Variants in CCSER1 observed in about 807,000 individuals in gnomAD.
CCSER1 encodes the protein coiled-coil serine rich protein 1, also known as serine-rich coiled-coil domain-containing protein 1.
CCSER1 carries 41 observed loss-of-function variants against 82.0 expected under a neutral mutation model. The observed-to-expected ratio is 0.50, with a 90% CI of 0.39 to 0.65. The LOEUF (loss-of-function observed/expected upper bound fraction) is 0.65. Ranked by LOEUF, CCSER1 falls within the 30% of genes least tolerant of loss-of-function variation. CCSER1 has a pLI of 0.00. For missense variants in CCSER1, 1,119 were observed against 1,064.2 expected (o/e 1.05, Z -0.72); for synonymous variants, 414 against 383.9 (o/e 1.08, Z -0.92).
intron 10 of CCSER1, among the ~76,000 whole-genome samples, chr4:91,327,852 C>G (rs913802012): frequency 7.2e-5 from 11 of 152,194 alleles, no homozygotes; most frequent in Admixed American, 5.9e-4. Flanking sequence ...AATCATTTCT[C>G]TCAATCTCAA....
chr4:91,137,178 C>G (rs952393259), intron 10 of CCSER1, among the ~76,000 whole-genome samples: 1 of 116,926 alleles, frequency 8.6e-6, no homozygotes, highest in Admixed American at 9.4e-5. Context: ...CACCCCACCA[C>G]AGTCCCCAGA....
Position 90,551,811 on chromosome 4 carries a change from G to A in CCSER1, c.1725-76214G>A, listed in dbSNP as rs183505726. Among the ~76,000 whole-genome samples the A allele has an allele frequency of 4.7e-4, 71 of 149,526 alleles. 1 individual carries two copies. The highest frequency in any genetic ancestry group is 1.6e-3 in the African/African-American group (65 of 40,416). ...TCTTTGTCTATCTTATTTTCCCTTT[G>A]TCTTAGTCTGTTCATGCTGCTGTGA... On this transcript the variant is annotated intron_variant, in intron 5 of 10. Coordinates refer to ENST00000509176, the MANE Select transcript of CCSER1 (RefSeq NM_001145065.2).
intron 5 of CCSER1, among the ~76,000 whole-genome samples, chr4:90,597,576 C>T (rs1342293243): frequency 1.3e-5 from 2 of 151,834 alleles, no homozygotes; most frequent in African/African-American, 4.8e-5. Flanking sequence ...AGGTTTACAA[C>T]ATGTTATGAG....
chr4:91,246,135 T>C (rs749949807), intron 10 of CCSER1, among the ~76,000 whole-genome samples: 1 of 151,874 alleles, frequency 6.6e-6, no homozygotes, highest in Non-Finnish European at 1.5e-5. Flanking sequence ...GAATAATAAA[T>C]CAAAAATAAC....
chr4:91,085,675 A>G (rs1723309394), intron 9 of CCSER1, among the ~76,000 whole-genome samples: 1 of 152,110 alleles, frequency 6.6e-6, no homozygotes, highest in Non-Finnish European at 1.5e-5. Flanking sequence ...GTTTCAACAA[A>G]GGGTAGGCAA....
At chr4:90,960,600 C>G (rs1581209132) in intron 9 of CCSER1, among the ~76,000 whole-genome samples, 1 of 152,282 alleles carries the variant, frequency 6.6e-6, no homozygotes, top group East Asian at 1.9e-4. Flanking sequence ...GTATCTTCTT[C>G]CAGTGTCACT....
At chr4:90,408,728 T>C (rs555712867) in intron 4 of CCSER1, among the ~76,000 whole-genome samples, 173 of 152,200 alleles carry the variant, frequency 1.1e-3, no homozygotes, top group African/African-American at 3.8e-3. Flanking sequence ...AGAGCACCTC[T>C]CCTCCTCCAA....
intron 10 of CCSER1, among the ~76,000 whole-genome samples, chr4:91,479,820 C>G (rs1257434816): frequency 7.0e-6 from 1 of 143,076 alleles, no homozygotes; most frequent in Admixed American, 7.1e-5. Context: ...TATACATGTG[C>G]CATGCTGGTG....
chr4:90,865,377 G>A (rs919522587), intron 8 of CCSER1, among the ~76,000 whole-genome samples: 1 of 151,896 alleles, frequency 6.6e-6, no homozygotes, highest in Non-Finnish European at 1.5e-5. Context: ...TTTAGTCAGA[G>A]GTGACCTTTT....
At chr4:90,834,890 A>C (rs184659088) in intron 8 of CCSER1, among the ~76,000 whole-genome samples, 12 of 152,372 alleles carry the variant, frequency 7.9e-5, no homozygotes, top group Non-Finnish European at 1.5e-4. Context: ...AGTTACCTGA[A>C]GCCACTCAAG....
At chr4:90,898,810 T>G (rs1200685384) in intron 8 of CCSER1, among the ~76,000 whole-genome samples, 1 of 152,116 alleles carries the variant, frequency 6.6e-6, no homozygotes, top group African/African-American at 2.4e-5. Flanking sequence ...TCTATGTGTC[T>G]GTTTATGTAT....
At chr4:90,631,611 T>C (rs1160595800) in intron 6 of CCSER1, among the ~76,000 whole-genome samples, 1 of 152,164 alleles carries the variant, frequency 6.6e-6, no homozygotes, top group Non-Finnish European at 1.5e-5. Context: ...AGAGTGTTAA[T>C]AGATGACTTT....
chr4:91,467,383 A>C (rs1756980839), intron 10 of CCSER1, among the ~76,000 whole-genome samples: 1 of 152,230 alleles, frequency 6.6e-6, no homozygotes, highest in African/African-American at 2.4e-5. Flanking sequence ...TGTTAGACCT[A>C]AAACCATAAA....
intron 6 of CCSER1, among the ~76,000 whole-genome samples, chr4:90,686,996 T>C (rs1237009442): frequency 1.3e-5 from 2 of 152,186 alleles, no homozygotes; most frequent in Non-Finnish European, 2.9e-5. Context: ...CCAAGTGCCA[T>C]GCATGAAGGT....
At chr4:91,117,913 A>C (rs1443073979) in intron 10 of CCSER1, among the ~76,000 whole-genome samples, 1 of 152,124 alleles carries the variant, frequency 6.6e-6, no homozygotes, top group African/African-American at 2.4e-5. Context: ...TAGCAAATTC[A>C]CTGTCTTCTT....
chr4:90,312,159 G>T (rs558424138), intron 2 of CCSER1, among the ~76,000 whole-genome samples: 1 of 152,302 alleles, frequency 6.6e-6, no homozygotes, highest in East Asian at 1.9e-4. Context: ...AAATATATTA[G>T]TGCAAGGTTG....
intron 10 of CCSER1, among the ~76,000 whole-genome samples, chr4:91,296,516 TTATAGA>T (rs1744197892): frequency 7.2e-6 from 1 of 139,400 alleles, no homozygotes; most frequent in Non-Finnish European, 1.5e-5. Flanking sequence ...ATCTGTATAA[TTATAGA>T]TATAGATATA....
At chr4:91,230,630 A>G (rs968422117) in intron 10 of CCSER1, among the ~76,000 whole-genome samples, 6 of 151,736 alleles carry the variant, frequency 4.0e-5, no homozygotes, top group Non-Finnish European at 8.8e-5. Flanking sequence ...GGTGTGGAGG[A>G]AAAAAAACAC....
intron 10 of CCSER1, among the ~76,000 whole-genome samples, chr4:91,464,039 A>G (rs1239317873): frequency 6.6e-6 from 1 of 152,298 alleles, no homozygotes; most frequent in Middle Eastern, 3.4e-3. Flanking sequence ...AGCAACTCCA[A>G]GACACATAAT....
Sources: allele counts gnomAD v4.1 joint callset (sites outside exome capture counted in the v4.1 genomes callset), GRCh38; gene constraint gnomAD v4.1.1; transcripts MANE v1.5; gene names NCBI Gene and HGNC (gene_info 2026-07-23, HGNC 2026-07-21).